LMNB1: variants seen among roughly 807,000 people sequenced by gnomAD.
LMNB1 encodes lamin B1.
Under a neutral mutation model 67.1 loss-of-function variants are expected in LMNB1, and 23 were observed. The ratio of observed to expected loss-of-function variants is 0.34; its 90% CI spans 0.25 to 0.49. The LOEUF (loss-of-function observed/expected upper bound fraction) is 0.49, where lower values mean the gene tolerates loss of function less well. Among genes scored for constraint, LMNB1 ranks in the 20% least tolerant of loss-of-function variants. The pLI, the probability that LMNB1 is intolerant of heterozygous loss-of-function variation, is 0.99. For synonymous variants in LMNB1, 281 were observed against 282.9 expected (o/e 0.99, Z 0.07); for missense variants, 634 against 746.5 (o/e 0.85, Z 1.76).
At position 126,811,853 on chromosome 5, in the gene LMNB1, G is replaced by A; in HGVS notation, c.894G>A (p.Met298Ile). 1 of 1,612,834 alleles carries A rather than the reference G, an allele frequency of 6.2e-7. No individual in the cohort carries two copies. Among genetic ancestry groups the A allele is most frequent in the Non-Finnish European group, 8.5e-7 (1 of 1,178,916 alleles). ...GGGAAGAACTGATGGAAAGCCGCATGAGAATTGAGAGCCTTTCATCCCAGC... is the reference window on the plus strand; with the variant it reads ...GGGAAGAACTGATGGAAAGCCGCATAAGAATTGAGAGCCTTTCATCCCAGC... Reference protein sequence around the residue: ...SAREELMESRMRIESLSSQLS... With the variant: ...SAREELMESRIRIESLSSQLS... Residue 298 changes from methionine (M) to isoleucine (I), a missense_variant, in exon 5 of 11, where the codon ATG becomes ATA. Met to Ile is a conservative substitution (Grantham distance 10). Transcript: ENST00000261366.
chr5:126,804,293 G>C (rs1318684546), intron 1 of LMNB1, among the ~76,000 whole-genome samples: 1 of 136,576 alleles, frequency 7.3e-6, no homozygotes, highest in East Asian at 2.2e-4. Context: ...GCCTAGGTTG[G>C]TCTTGAATTC....
chr5:126,800,209 A>T (rs1751236221), intron 1 of LMNB1, among the ~76,000 whole-genome samples: 1 of 152,182 alleles, frequency 6.6e-6, no homozygotes, highest in African/African-American at 2.4e-5. Context: ...CATTTTACCC[A>T]CATTCCAGTG....
chr5:126,816,220 G>T (rs1751700007), intron 5 of LMNB1, among the ~76,000 whole-genome samples: 1 of 152,060 alleles, frequency 6.6e-6, no homozygotes, highest in Non-Finnish European at 1.5e-5. Flanking sequence ...GAGGTTCAGG[G>T]ACTACCTTTG....
chr5:126,777,939 G>T (rs1415327925), intron 1 of LMNB1, 72 bp downstream of exon 1: 9 of 1,355,634 alleles, frequency 6.6e-6, no homozygotes, highest in Non-Finnish European at 8.6e-6. Flanking sequence ...CAGCTCACCG[G>T]GTTCTGCCGT....
At chr5:126,831,936 C>G (rs1752143873) in intron 9 of LMNB1, among the ~76,000 whole-genome samples, 1 of 152,034 alleles carries the variant, frequency 6.6e-6, no homozygotes, top group Non-Finnish European at 1.5e-5. Flanking sequence ...CAGAAAGTTA[C>G]TGATATACAG....
At chr5:126,793,899 G>GAA (rs1751026445) in intron 1 of LMNB1, among the ~76,000 whole-genome samples, 2 of 151,412 alleles carry the variant, frequency 1.3e-5, no homozygotes, top group South Asian at 2.1e-4. Context: ...AAGAAAGAAA[G>GAA]AAAGAAATTG....
intron 5 of LMNB1, among the ~76,000 whole-genome samples, chr5:126,814,030 G>T (rs1180325598): frequency 6.6e-6 from 1 of 152,032 alleles, no homozygotes; most frequent in African/African-American, 2.4e-5. Context: ...CTAGTAGCTG[G>T]GATTACCGGC....
intron 5 of LMNB1, among the ~76,000 whole-genome samples, chr5:126,813,155 C>T (rs1367676116): frequency 1.3e-5 from 2 of 152,150 alleles, no homozygotes; most frequent in African/African-American, 2.4e-5. Context: ...GAAAATGAGT[C>T]CCATAAAATG....
At chr5:126,807,012 T>C (rs985901561) in intron 3 of LMNB1, among the ~76,000 whole-genome samples, 8 of 152,030 alleles carry the variant, frequency 5.3e-5, no homozygotes, top group Non-Finnish European at 1.0e-4. Flanking sequence ...CTCCTGACCT[T>C]GTGATTGGCC....
rs1250503574 is a variant in LMNB1 at position 126,819,051 on chromosome 5, C to A, written c.1069C>A (p.Leu357Met). The change falls in exon 6 of 11, where the codon CTG becomes ATG. Residue 357 changes from leucine (L) to methionine (M), a missense_variant. Physicochemically the swap from Leu to Met is conservative, Grantham distance 15. Transcript: ENST00000261366. ...AATAAGGGATCAAATGCAGCAACAG[C>A]TGAATGACTATGAACAGCTTCTTGA... ...AEIRDQMQQQ[L>M]NDYEQLLDVK... 3.1e-6 allele frequency: 5 copies of A among 1,614,006 alleles called. No individual in the cohort carries two copies. The highest frequency in any genetic ancestry group is 3.4e-6 in the Non-Finnish European group (4 of 1,180,014).
intron 3 of LMNB1, among the ~76,000 whole-genome samples, chr5:126,809,929 A>G (rs1751542708): frequency 6.6e-6 from 1 of 152,218 alleles, no homozygotes. Flanking sequence ...TCAGAAAAAT[A>G]AATAGCTATG....
At chr5:126,784,658 A>ATT (rs35792214) in intron 1 of LMNB1, among the ~76,000 whole-genome samples, 15,957 of 113,216 alleles carry the variant, frequency 0.14, 1,125 homozygotes, top group Middle Eastern at 0.21. Context: ...CCTGGCTTGA[A>ATT]TTTTTTTTTT....
chr5:126,781,875 A>T (rs1309104782), intron 1 of LMNB1, among the ~76,000 whole-genome samples: 3 of 152,254 alleles, frequency 2.0e-5, no homozygotes, highest in Non-Finnish European at 4.4e-5. Context: ...CTCAGCAAAC[A>T]AGATACCTTA....
chr5:126,813,193 CAG>C (rs1429570915), intron 5 of LMNB1, among the ~76,000 whole-genome samples: 1 of 152,174 alleles, frequency 6.6e-6, no homozygotes, highest in Non-Finnish European at 1.5e-5. Flanking sequence ...TTAGTTAACA[CAG>C]GGGCTTTTAC....
chr5:126,787,546 A>ATTTTTTTTTTTTTTT (rs142332901), intron 1 of LMNB1, among the ~76,000 whole-genome samples: 4 of 65,564 alleles, frequency 6.1e-5, no homozygotes, highest in Admixed American at 2.2e-4. Flanking sequence ...ATATATATAT[A>ATTTTTTTTTTTTTTT]TTTTTTTTTT....
intron 1 of LMNB1, among the ~76,000 whole-genome samples, chr5:126,796,251 T>C (rs1207167086): frequency 6.6e-6 from 1 of 151,986 alleles, no homozygotes; most frequent in Non-Finnish European, 1.5e-5. Context: ...TTTAATCTCC[T>C]TTTTTTGCCT....
chr5:126,777,858 T>A lies in LMNB1; in HGVS notation c.350T>A (p.Leu117Gln). 2.8e-6 allele frequency: 4 copies of A among 1,433,036 alleles called. No homozygotes were observed. Among genetic ancestry groups the A allele is most frequent in the African/African-American group, 1.5e-5 (1 of 67,414 alleles). The allele number at this position is 1,433,036 out of a possible 1,614,324, so 88.8% of individuals were successfully genotyped here. A position where few individuals can be genotyped will look rare whatever the true frequency, so the allele number is the denominator to read the frequency against. ...AAGTGCAAGGCGGAACACGACCAGCTGCTCCTCAAGTGAGTGCTAGCTGGC... is the reference window on the plus strand; with the variant it reads ...AAGTGCAAGGCGGAACACGACCAGCAGCTCCTCAAGTGAGTGCTAGCTGGC... ...LGKCKAEHDQLLLNYAKKESD... is the reference protein window; with the variant it reads ...LGKCKAEHDQQLLNYAKKESD... Residue 117 changes from leucine to glutamine, a missense_variant, in exon 1 of 11, where the codon CTG becomes CAG. Leu to Gln is a moderately radical substitution (Grantham distance 113). Coordinates refer to ENST00000261366, the MANE Select transcript of LMNB1 (RefSeq NM_005573.4).
chr5:126,824,899 G>A (rs1169587222), intron 8 of LMNB1, among the ~76,000 whole-genome samples: 2 of 125,060 alleles, frequency 1.6e-5, no homozygotes, highest in African/African-American at 6.3e-5. Context: ...TTTTGCCCAG[G>A]CTGGTTTTAA....
intron 1 of LMNB1, among the ~76,000 whole-genome samples, chr5:126,791,612 G>A (rs548120916): frequency 6.6e-6 from 1 of 151,588 alleles, no homozygotes; most frequent in Admixed American, 6.6e-5. Context: ...TGGAGTAGTT[G>A]GGTGTGTGCC....
Sources: allele counts gnomAD v4.1 joint callset (sites outside exome capture counted in the v4.1 genomes callset), GRCh38; gene constraint gnomAD v4.1.1; transcripts MANE v1.5; gene names NCBI Gene and HGNC (gene_info 2026-07-23, HGNC 2026-07-21).